MAPT: variants seen among roughly 807,000 people sequenced by gnomAD.
MAPT encodes microtubule associated protein tau.
Under a neutral mutation model 67.9 loss-of-function variants are expected in MAPT, and 34 were observed. That is an observed-to-expected ratio of 0.50 (90% confidence interval 0.38 to 0.67). The LOEUF (loss-of-function observed/expected upper bound fraction) is 0.67. Ranked by LOEUF, MAPT falls within the 30% of genes least tolerant of loss-of-function variation. The pLI is 0.00. For missense variants in MAPT, 881 were observed against 1,115.2 expected, an observed-to-expected ratio of 0.79 and a Z score of 2.99; for synonymous variants, 456 against 464.5, an observed-to-expected ratio of 0.98 and a Z score of 0.23.
chr17:45,989,281 A>T (rs1434309180), intron 6 of MAPT, among the ~76,000 whole-genome samples: 1 of 152,188 alleles, frequency 6.6e-6, no homozygotes, highest in Non-Finnish European at 1.5e-5. Flanking sequence ...CTCCAAATTC[A>T]GGGGCACAGT....
intron 11 of MAPT, among the ~76,000 whole-genome samples, chr17:46,016,404 AAG>A (rs1426558714): frequency 2.0e-5 from 3 of 151,420 alleles, no homozygotes; most frequent in African/African-American, 7.3e-5. Context: ...AAAAAAAAAA[AAG>A]AAAGAAAAAG....
chr17:45,902,258 A>AT (rs558083919), intron 1 of MAPT, among the ~76,000 whole-genome samples: 270 of 152,220 alleles, frequency 1.8e-3, no homozygotes, highest in East Asian at 8.7e-3. Context: ...TTTTGTAGGG[A>AT]TGGGGTATCG....
chr17:45,990,481 G>T (rs2435213), intron 7 of MAPT: 104,040 of 451,204 alleles, frequency 0.23, 14,386 homozygotes, highest in East Asian at 0.59. Flanking sequence ...GGGCGTGGTG[G>T]TATGCGTGGT....
At chr17:45,979,593 G>A (rs888598247) in intron 4 of MAPT, 1 of 152,210 alleles carries the variant, frequency 6.6e-6, no homozygotes, top group African/African-American at 2.4e-5. Flanking sequence ...CTAACAAAGA[G>A]CTTCAAAAAC....
chr17:45,939,652 G>A (rs919774292), intron 1 of MAPT, among the ~76,000 whole-genome samples: 2 of 152,148 alleles, frequency 1.3e-5, no homozygotes, highest in Non-Finnish European at 2.9e-5. Flanking sequence ...CTAATTACTC[G>A]CTCTTTCTCT....
intron 6 of MAPT, among the ~76,000 whole-genome samples, chr17:45,987,621 A>G (rs771767797): frequency 3.3e-5 from 5 of 152,188 alleles, no homozygotes; most frequent in Non-Finnish European, 7.3e-5. Context: ...GATAAGACCT[A>G]TTTTTCTTAA....
chr17:45,902,895 A>G (rs1006587954), intron 1 of MAPT, among the ~76,000 whole-genome samples: 4 of 152,148 alleles, frequency 2.6e-5, no homozygotes, highest in African/African-American at 7.2e-5. Context: ...CCAGGCATCA[A>G]AGAGAAGAGG....
At position 46,016,395 on chromosome 17, in the gene MAPT, AAAAAAAAAAAGAAAG is replaced by A; in HGVS notation, c.2173+2077_2173+2091del. Among the ~76,000 whole-genome samples the A allele has an allele frequency of 2.6e-5, 4 of 151,258 alleles. 1 individual carries two copies. The South Asian group carries it at 8.3e-4, about 31-fold the overall frequency. On this transcript the variant is annotated intron_variant, in intron 11 of 12. Coordinates refer to ENST00000262410, the MANE Select transcript of MAPT (RefSeq NM_001377265.1). Reference sequence around the variant, plus strand: ...GAGGGAGTGAGACTCCGTCTCAAAAAAAAAAAAAAAGAAAGAAAAAGAAAAGAAAGTGATCCTACT... The same window carrying A: ...GAGGGAGTGAGACTCCGTCTCAAAAAAAAAAGAAAAGAAAGTGATCCTACT...
At chr17:46,015,425 C>A (rs1015138183) in intron 11 of MAPT, among the ~76,000 whole-genome samples, 11 of 151,650 alleles carry the variant, frequency 7.3e-5, no homozygotes, top group African/African-American at 2.7e-4. Context: ...TTTGGGAGGC[C>A]GAGGCGAGCG....
chr17:45,931,180 C>T (rs1322901116), intron 1 of MAPT, among the ~76,000 whole-genome samples: 1 of 152,134 alleles, frequency 6.6e-6, no homozygotes, highest in East Asian at 1.9e-4. Context: ...TCTCAGCCAT[C>T]GTGTGCCATG....
chr17:46,020,223 G>A (rs2076441287), intron 12 of MAPT, among the ~76,000 whole-genome samples: 1 of 152,106 alleles, frequency 6.6e-6, no homozygotes, highest in Admixed American at 6.5e-5. Flanking sequence ...TGCCTGTCTT[G>A]GAAGTATCCA....
chr17:45,981,178 G>A (rs914069770), intron 4 of MAPT, among the ~76,000 whole-genome samples: 28 of 152,170 alleles, frequency 1.8e-4, no homozygotes, highest in African/African-American at 5.1e-4. Context: ...CTTCCTCCCC[G>A]ACCTCATCCA....
chr17:45,941,702 CCTG>C, intron 1 of MAPT, among the ~76,000 whole-genome samples: 6 of 45,070 alleles, frequency 1.3e-4, no homozygotes, highest in African/African-American at 6.2e-4. Flanking sequence ...TTCCTTCCTG[CCTG>C]CCTTCCTTCC....
chr17:45,930,843 A>G (rs778549913), intron 1 of MAPT, among the ~76,000 whole-genome samples: 14 of 152,138 alleles, frequency 9.2e-5, no homozygotes, highest in Non-Finnish European at 1.3e-4. Flanking sequence ...GACCAGGAAT[A>G]GGTCATGGCT....
chr17:45,940,780 G>A (rs1214949033), intron 1 of MAPT, among the ~76,000 whole-genome samples: 2 of 152,110 alleles, frequency 1.3e-5, no homozygotes, highest in Non-Finnish European at 2.9e-5. Flanking sequence ...TCACTCAGAG[G>A]ATGAAAATAG....
At chr17:45,991,640 A>G (rs2074065072) in intron 8 of MAPT, 54 bp downstream of exon 8, 2 of 1,613,630 alleles carry the variant, frequency 1.2e-6, no homozygotes, top group Admixed American at 1.7e-5. Flanking sequence ...TCAGAGGTAC[A>G]GCCTTCATTT....
intron 9 of MAPT, chr17:45,999,404 T>C: frequency 6.2e-7 from 1 of 1,614,032 alleles, no homozygotes; most frequent in Non-Finnish European, 8.5e-7. Flanking sequence ...ATGATTCAGG[T>C]TGCCAGAGAC....
chr17:45,963,453 T>G (rs898966716), intron 2 of MAPT, among the ~76,000 whole-genome samples: 8 of 152,086 alleles, frequency 5.3e-5, no homozygotes, highest in African/African-American at 1.9e-4. Flanking sequence ...CGAGGCTGTC[T>G]CCGCGCTGGG....
At chr17:45,999,790 C>T (rs1434040460) in intron 9 of MAPT, 22 of 846,136 alleles carry the variant, frequency 2.6e-5, no homozygotes, top group Non-Finnish European at 3.6e-5. Flanking sequence ...TTTTGGGGGA[C>T]GAAGTGTGGA....
Sources: allele counts gnomAD v4.1 joint callset (sites outside exome capture counted in the v4.1 genomes callset), GRCh38; gene constraint gnomAD v4.1.1; transcripts MANE v1.5; gene names NCBI Gene and HGNC (gene_info 2026-07-23, HGNC 2026-07-21).